VCL: variants seen among roughly 807,000 people sequenced by gnomAD.
VCL encodes epididymis luminal protein 114.
VCL carries 47 observed loss-of-function variants against 125.7 expected under a neutral mutation model. The ratio of observed to expected loss-of-function variants is 0.37; its 90% confidence interval spans 0.30 to 0.48. VCL has a LOEUF of 0.48. Ranked by LOEUF, VCL falls within the 20% of genes least tolerant of loss-of-function variation. VCL has a pLI of 0.99. For synonymous variants in VCL, 458 were observed against 514.6 expected (o/e 0.89, Z 1.49); for missense variants, 1,069 against 1,455.5 (o/e 0.73, Z 4.32).
At chr10:74,074,198 A>C (rs891181442) in intron 5 of VCL, among the ~76,000 whole-genome samples, 2 of 152,206 alleles carry the variant, frequency 1.3e-5, no homozygotes, top group African/African-American at 4.8e-5. Context: ...ATCACGCCGA[A>C]AGTGTTGGGA....
rs202005455 is a variant in VCL, at chr10:74,090,071, C to G, written c.1225C>G (p.Arg409Gly). Reference sequence around the variant, plus strand: ...TGGACCGGAAGGAGAAGAGCAGATTCGAGGTGCTTTGGCTGAAGCTCGGAA... The same window carrying G: ...TGGACCGGAAGGAGAAGAGCAGATTGGAGGTGCTTTGGCTGAAGCTCGGAA... ...NGGPEGEEQI[R>G]GALAEARKIA... The change falls in exon 10 of 22, where the codon CGA (arginine) becomes GGA (glycine). Residue 409 changes from arginine (R) to glycine (G), a missense_variant. Coordinates refer to ENST00000211998, the MANE Select transcript of VCL (RefSeq NM_014000.3). The G allele has an allele frequency of 1.9e-5, 31 of 1,613,966 alleles. No individual in the cohort carries two copies. The highest frequency in any genetic ancestry group is 2.5e-5 in the Non-Finnish European group (30 of 1,180,038).
At chr10:74,063,861 C>T (rs1841519402) in intron 2 of VCL, 1 of 152,096 alleles carries the variant, frequency 6.6e-6, no homozygotes, top group Admixed American at 6.5e-5. Flanking sequence ...CTTCTGATAC[C>T]AGATGTATGG....
intron 1 of VCL, among the ~76,000 whole-genome samples, chr10:74,038,360 C>T (rs1331727646): frequency 6.6e-6 from 1 of 152,128 alleles, no homozygotes; most frequent in East Asian, 1.9e-4. Flanking sequence ...TATTGGGCGG[C>T]ACAGATTAAA....
intron 14 of VCL, among the ~76,000 whole-genome samples, chr10:74,102,223 T>A (rs1417057244): frequency 6.6e-6 from 1 of 151,662 alleles, no homozygotes; most frequent in Middle Eastern, 3.2e-3. Flanking sequence ...TTTCTCCACA[T>A]CTTTGTGAGA....
intron 6 of VCL, among the ~76,000 whole-genome samples, chr10:74,079,789 GTT>G (rs748335817): frequency 1.3e-5 from 2 of 152,090 alleles, no homozygotes; most frequent in Non-Finnish European, 2.9e-5. Flanking sequence ...ATAACCTACT[GTT>G]TTCCAGAAAG....
rs543955768 is a variant in VCL, at chr10:74,071,888, G to T, written c.499+805G>T. Among the ~76,000 whole-genome samples, 18 of 152,288 alleles carry T rather than the reference G, an allele frequency of 1.2e-4. No individual in the cohort carries two copies. In the South Asian group the frequency reaches 3.7e-3, roughly 32 times the overall value. On this transcript the variant is annotated intron_variant, in intron 4 of 21. Coordinates refer to ENST00000211998, the MANE Select transcript of VCL (RefSeq NM_014000.3). The surrounding 1 kb of genome is among the most constrained non-coding windows in gnomAD (Gnocchi z 4.1). The stretch of plus-strand genomic sequence containing the variant: ...GAAATAGGTTTCTCTGGTGGCTTTA[G>T]AGTAGTCCTCTTAAAATTTCTCATA...
intron 2 of VCL, among the ~76,000 whole-genome samples, chr10:74,067,378 TAA>T (rs571897797): frequency 0.065 from 9,474 of 145,014 alleles, 1,021 homozygotes; most frequent in African/African-American, 0.22. Flanking sequence ...GGCTTTTATT[TAA>T]AAAAAAAAAA....
At chr10:74,072,259 A>G (rs546466017) in intron 4 of VCL, among the ~76,000 whole-genome samples, 97 of 152,292 alleles carry the variant, frequency 6.4e-4, no homozygotes, top group Middle Eastern at 3.4e-3. Flanking sequence ...TTTTGGACAA[A>G]TTGGAAAGTA....
intron 9 of VCL, among the ~76,000 whole-genome samples, chr10:74,089,663 G>T (rs985788895): frequency 1.3e-5 from 2 of 152,162 alleles, no homozygotes; most frequent in Non-Finnish European, 2.9e-5. Context: ...CACAACTCTT[G>T]GGTCATTGTA....
At chr10:74,026,069 T>C (rs1247695071) in intron 1 of VCL, among the ~76,000 whole-genome samples, 1 of 152,194 alleles carries the variant, frequency 6.6e-6, no homozygotes, top group African/African-American at 2.4e-5. Context: ...AAGCTAATGT[T>C]TTATTATGCA....
intron 4 of VCL, among the ~76,000 whole-genome samples, chr10:74,072,352 A>G (rs1473304359): frequency 6.6e-6 from 1 of 152,212 alleles, no homozygotes. Flanking sequence ...TACTAGGCTC[A>G]TGTGAGATTT....
chr10:74,059,985 A>G (rs957953543), intron 2 of VCL, among the ~76,000 whole-genome samples: 1 of 152,100 alleles, frequency 6.6e-6, no homozygotes, highest in Admixed American at 6.6e-5. Context: ...CAACATAGGG[A>G]GACCTTGTCT....
intron 2 of VCL, among the ~76,000 whole-genome samples, chr10:74,050,932 A>ATTTTTTTTTTTTTTTTTTTTTTTTTT (rs10607921): frequency 1.3e-5 from 1 of 77,440 alleles, no homozygotes; most frequent in Non-Finnish European, 2.3e-5. Context: ...GTACTACTGT[A>ATTTTTTTTTTTTTTTTTTTTTTTTTT]TTTTTTTTTT....
chr10:74,100,561 G>A (rs1455754181), intron 13 of VCL, among the ~76,000 whole-genome samples: 1 of 152,198 alleles, frequency 6.6e-6, no homozygotes, highest in Non-Finnish European at 1.5e-5. Flanking sequence ...ATAGAGCCTG[G>A]AGTGGGCTTG....
At chr10:74,093,853 G>C (rs1454002856) in intron 10 of VCL, among the ~76,000 whole-genome samples, 2 of 152,130 alleles carry the variant, frequency 1.3e-5, no homozygotes, top group African/African-American at 4.8e-5. Context: ...GTACCTGGCA[G>C]AATTAGGACT....
chr10:74,030,671 T>C (rs1378403432), intron 1 of VCL, among the ~76,000 whole-genome samples: 4 of 152,202 alleles, frequency 2.6e-5, no homozygotes, highest in Non-Finnish European at 4.4e-5. Flanking sequence ...GTTTGGGACA[T>C]TTGGGTTCCA....
rs1839936647 is a variant in VCL at position 74,094,528 on chromosome 10, G to A, written c.1543+67G>A. On this transcript the variant is annotated intron_variant, in intron 11 of 21. Coordinates refer to ENST00000211998, the MANE Select transcript of VCL (RefSeq NM_014000.3). ...AGTGCAAATAAGCAAGTTGTTGATA[G>A]GGGTCCTGTAACATCTGTAATTAGG... 6 of 1,552,942 alleles carry A rather than the reference G, an allele frequency of 3.9e-6. No homozygotes were observed. In the African/African-American group the frequency reaches 8.1e-5, roughly 21 times the overall value.
At chr10:74,059,132 A>T (rs181390029) in intron 2 of VCL, among the ~76,000 whole-genome samples, 57 of 152,198 alleles carry the variant, frequency 3.7e-4, no homozygotes, top group African/African-American at 1.3e-3. Context: ...GCACTTAGGG[A>T]TCACCTGAGG....
intron 2 of VCL, among the ~76,000 whole-genome samples, chr10:74,054,160 A>G (rs182523739): frequency 2.2e-4 from 34 of 152,242 alleles, no homozygotes; most frequent in African/African-American, 7.2e-4. Context: ...TCAGTATATA[A>G]ATATTACTAG....
Sources: allele counts gnomAD v4.1 joint callset (sites outside exome capture counted in the v4.1 genomes callset), GRCh38; gene constraint gnomAD v4.1.1; non-coding constraint Gnocchi (gnomAD v3.1); transcripts MANE v1.5; gene names NCBI Gene and HGNC (gene_info 2026-07-23, HGNC 2026-07-21).